SIPA1L3: variants seen among roughly 807,000 people sequenced by gnomAD.
SIPA1L3 encodes the protein signal-induced proliferation-associated 1-like protein 3.
In SIPA1L3, 59 loss-of-function variants were observed where a neutral mutation model predicts 150.1. That is an observed-to-expected ratio of 0.39 (90% CI 0.32 to 0.49). The LOEUF (loss-of-function observed/expected upper bound fraction) is 0.49. SIPA1L3 is among the 20% of genes least tolerant of loss of function. The pLI, the probability that SIPA1L3 is intolerant of heterozygous loss-of-function variation, is 0.86. For missense variants in SIPA1L3, 2,211 were observed against 2,489.5 expected, an observed-to-expected ratio of 0.89 and a Z score of 2.38; for synonymous variants, 1,070 against 1,077.6, an observed-to-expected ratio of 0.99 and a Z score of 0.14.
intron 19 of SIPA1L3, among the ~76,000 whole-genome samples, chr19:38,201,115 G>C (rs573015471): frequency 1.3e-5 from 2 of 152,276 alleles, no homozygotes; most frequent in South Asian, 4.1e-4. Flanking sequence ...CTCAACACAC[G>C]GCACACAGGG....
intron 1 of SIPA1L3, among the ~76,000 whole-genome samples, chr19:38,015,952 G>T (rs997589902): frequency 1.3e-5 from 2 of 152,038 alleles, no homozygotes; most frequent in African/African-American, 4.8e-5. Context: ...TGCATCGTTG[G>T]TCCGCCGGAA....
intron 1 of SIPA1L3, among the ~76,000 whole-genome samples, chr19:37,909,099 T>C (rs972243836): frequency 1.3e-5 from 2 of 152,244 alleles, no homozygotes; most frequent in African/African-American, 4.8e-5. Flanking sequence ...GGAGTTGCTC[T>C]TCTTCCCCAG....
intron 16 of SIPA1L3, among the ~76,000 whole-genome samples, chr19:38,190,174 G>T (rs376623239): frequency 6.6e-6 from 1 of 152,070 alleles, no homozygotes; most frequent in South Asian, 2.1e-4. Context: ...CGCCCCTCTC[G>T]AGGGGAGCCT....
chr19:37,960,714 C>A lies in SIPA1L3; in HGVS notation c.-379+53356C>A, dbSNP rs145160318. ...GAGCCACTGCGCCCAGCCTCACACT[C>A]AGCTAATTTTTAAATTTTTTGTAGA... On this transcript the variant is annotated intron_variant, in intron 1 of 21. Coordinates refer to ENST00000222345, the MANE Select transcript of SIPA1L3 (RefSeq NM_015073.3). 3.4e-4 allele frequency among the ~76,000 whole-genome samples: 52 copies of A among 151,556 alleles called. No homozygotes were observed. The East Asian group carries it at 1.0e-2, about 29-fold the overall frequency.
intron 2 of SIPA1L3, among the ~76,000 whole-genome samples, chr19:38,038,588 C>CA (rs34849335): frequency 0.65 from 78,649 of 121,688 alleles, 25,604 homozygotes; most frequent in East Asian, 0.82. Flanking sequence ...GACTCCGTCT[C>CA]AAAAAAAAAA....
chr19:38,137,451 A>G (rs1277837907), intron 10 of SIPA1L3, among the ~76,000 whole-genome samples: 1 of 151,034 alleles, frequency 6.6e-6, no homozygotes, highest in Non-Finnish European at 1.5e-5. Flanking sequence ...GGCCTCCCAA[A>G]GTGCTGGGAT....
At chr19:38,195,802 G>GCCCCCCCC (rs976090881) in intron 18 of SIPA1L3, among the ~76,000 whole-genome samples, 1 of 20,252 alleles carries the variant, frequency 4.9e-5, no homozygotes, top group African/African-American at 2.2e-4. Context: ...GTCCCCCCCC[G>GCCCCCCCC]CCCCCCCGGG....
In SIPA1L3 at chr19:38,110,294, C is replaced by G; in HGVS notation, c.2201C>G (p.Pro734Arg). Residue 734 changes from proline to arginine, a missense_variant, in exon 8 of 22, where the codon CCG becomes CGG. Pro to Arg is a moderately radical substitution (Grantham distance 103). Coordinates refer to ENST00000222345, the MANE Select transcript of SIPA1L3 (RefSeq NM_015073.3). ...TIIFQEPGAL[P>R]FTPKNIRSHF... ...ATCTTCCAGGAGCCTGGCGCGCTAC[C>G]GTTCACCCCCAAGAACATCCGCTCC... 6.2e-7 allele frequency: 1 copy of G among 1,614,150 alleles called. No individual in the cohort carries two copies. The highest frequency in any genetic ancestry group is 1.3e-5 in the African/African-American group (1 of 75,034).
chr19:37,938,222 T>G (rs1181535580), intron 1 of SIPA1L3, among the ~76,000 whole-genome samples: 1 of 152,214 alleles, frequency 6.6e-6, no homozygotes, highest in East Asian at 1.9e-4. Flanking sequence ...TTTTAGGCAT[T>G]TCCATGCCAA....
At chr19:38,003,539 T>G (rs11881503) in intron 1 of SIPA1L3, among the ~76,000 whole-genome samples, 8,808 of 152,280 alleles carry the variant, frequency 0.058, 883 homozygotes, top group African/African-American at 0.2. Context: ...TCTCACTTCC[T>G]GACTTGAGTT....
At chr19:38,053,985 C>T (rs373384245) in intron 2 of SIPA1L3, among the ~76,000 whole-genome samples, 1 of 151,984 alleles carries the variant, frequency 6.6e-6, no homozygotes, top group African/African-American at 2.4e-5. Context: ...AACTGAGGCA[C>T]AAAGAGATTT....
chr19:37,966,376 G>A (rs1185198894), intron 1 of SIPA1L3, among the ~76,000 whole-genome samples: 1 of 152,178 alleles, frequency 6.6e-6, no homozygotes, highest in African/African-American at 2.4e-5. Flanking sequence ...GGACAGGTTT[G>A]GACAGAGCTC....
rs530984699 is a variant in SIPA1L3 at position 37,918,535 on chromosome 19, G to A, written c.-379+11177G>A. On this transcript the variant is annotated intron_variant, in intron 1 of 21. Coordinates refer to ENST00000222345, the MANE Select transcript of SIPA1L3 (RefSeq NM_015073.3). ...GGCCTCCCAAAGTGCTGGGATTATA[G>A]GCATGAGCCAGCATGCCCAGCCTGA... Among the ~76,000 whole-genome samples the A allele has an allele frequency of 2.0e-5, 3 of 151,970 alleles. No individual in the cohort carries two copies. In the South Asian group the frequency reaches 6.3e-4, roughly 32 times the overall value.
At chr19:38,022,516 G>A (rs1968397313) in intron 1 of SIPA1L3, among the ~76,000 whole-genome samples, 1 of 150,368 alleles carries the variant, frequency 6.7e-6, no homozygotes, top group African/African-American at 2.5e-5. Flanking sequence ...TGGCTAACAT[G>A]GTGAAACCCC....
intron 3 of SIPA1L3, among the ~76,000 whole-genome samples, chr19:38,083,714 G>A (rs1260899913): frequency 6.6e-6 from 1 of 152,166 alleles, no homozygotes; most frequent in East Asian, 1.9e-4. Context: ...GGAACTGCCC[G>A]GCGCAGTGGC....
chr19:38,119,899 G>A lies in SIPA1L3; in HGVS notation c.2868+17G>A, dbSNP rs747286059. 37 of 1,564,298 alleles carry A rather than the reference G, an allele frequency of 2.4e-5. 1 individual carries two copies. In the South Asian group the frequency reaches 3.0e-4, roughly 13 times the overall value. On this transcript the variant is annotated intron_variant, in intron 9 of 21. Transcript: ENST00000222345. ...AGACTGAAGGTAAGGGAGAGAGCCC[G>A]GCGATAGGGCGGCGATTTGTATGGT... is the stretch of plus-strand genomic sequence containing the variant.
chr19:38,136,825 C>A lies in SIPA1L3; in HGVS notation c.3144-4359C>A, dbSNP rs149690210. On this transcript the variant is annotated intron_variant, in intron 10 of 21. Transcript: ENST00000222345. The stretch of plus-strand genomic sequence containing the variant: ...TCAGATCACTGGGGAAGGCGAGAGC[C>A]GGGAGGAGCTGGGGCAGAATCTTTT... 2.2e-3 allele frequency among the ~76,000 whole-genome samples: 341 copies of A among 152,228 alleles called. 1 individual carries two copies. Among genetic ancestry groups the A allele is most frequent in the African/African-American group, 7.6e-3 (314 of 41,540 alleles).
intron 13 of SIPA1L3, among the ~76,000 whole-genome samples, chr19:38,157,034 C>G (rs928531360): frequency 6.6e-6 from 1 of 151,862 alleles, no homozygotes; most frequent in Non-Finnish European, 1.5e-5. Context: ...TGTGGCAGTG[C>G]GCACCTATGG....
chr19:38,133,113 A>T (rs145482636), intron 10 of SIPA1L3, among the ~76,000 whole-genome samples: 1 of 152,184 alleles, frequency 6.6e-6, no homozygotes, highest in African/African-American at 2.4e-5. Flanking sequence ...TTAGGCCCCA[A>T]TGGGATGTCT....
Sources: allele counts gnomAD v4.1 joint callset (sites outside exome capture counted in the v4.1 genomes callset), GRCh38; gene constraint gnomAD v4.1.1; transcripts MANE v1.5; gene names NCBI Gene and HGNC (gene_info 2026-07-23, HGNC 2026-07-21).